LGSN: variants seen among roughly 807,000 people sequenced by gnomAD.
LGSN encodes lengsin, lens protein with glutamine synthetase domain, also known as lengsin.
LGSN carries 21 observed loss-of-function variants against 19.5 expected under a neutral mutation model. The ratio of observed to expected loss-of-function variants is 1.07; its 90% confidence interval spans 0.76 to 1.55. The LOEUF is 1.55. Ranked by LOEUF, LGSN falls within the 40% of genes most tolerant of loss-of-function variation. The pLI, the probability that LGSN is intolerant of heterozygous loss-of-function variation, is 0.00. For missense variants in LGSN, 673 were observed against 608.5 expected (o/e 1.11, Z -1.12); for synonymous variants, 257 against 215.6 (o/e 1.19, Z -1.68).
At chr6:63,533,832 T>TTTAATTAA in the LGSN span, among the ~76,000 whole-genome samples, 80 of 149,880 alleles carry the variant, frequency 5.3e-4, no homozygotes, top group Middle Eastern at 3.5e-3. Context: ...AACAAACTTT[T>TTTAATTAA]TTAATTAATT....
chr6:63,301,381 A>C (rs1287349163), intron 1 of LGSN, among the ~76,000 whole-genome samples: 3 of 152,136 alleles, frequency 2.0e-5, no homozygotes, highest in African/African-American at 7.2e-5. Context: ...TAAAATGTGT[A>C]TTTGTTGAGA....
chr6:63,374,372 T>G, the LGSN span, among the ~76,000 whole-genome samples: 1 of 152,230 alleles, frequency 6.6e-6, no homozygotes. Flanking sequence ...TTCTGCAAAT[T>G]TTGTTGACAG....
At chr6:63,361,044 T>C in the LGSN span, among the ~76,000 whole-genome samples, 1 of 152,208 alleles carries the variant, frequency 6.6e-6, no homozygotes, top group Non-Finnish European at 1.5e-5. Flanking sequence ...TACCCAGCCA[T>C]GTGAGGTGTC....
chr6:63,520,171 C>T, the LGSN span, among the ~76,000 whole-genome samples: 1 of 152,138 alleles, frequency 6.6e-6, no homozygotes, highest in South Asian at 2.1e-4. Context: ...CTGTATGCAT[C>T]CTTTTTTTAA....
chr6:63,420,336 T>C, the LGSN span, among the ~76,000 whole-genome samples: 1 of 152,332 alleles, frequency 6.6e-6, no homozygotes, highest in South Asian at 2.1e-4. Context: ...TCTGTGCTGA[T>C]CCAGCTGGCC....
intron 1 of LGSN, among the ~76,000 whole-genome samples, chr6:63,307,720 T>C (rs1768451917): frequency 6.6e-6 from 1 of 152,220 alleles, no homozygotes; most frequent in Non-Finnish European, 1.5e-5. Flanking sequence ...AAATATTGCC[T>C]GGGCACTATG....
the LGSN span, among the ~76,000 whole-genome samples, chr6:63,365,140 T>C: frequency 6.6e-6 from 1 of 151,884 alleles, no homozygotes; most frequent in Non-Finnish European, 1.5e-5. Flanking sequence ...AATCAATGAA[T>C]CCAGGAGCTG....
At chr6:63,413,695 C>T in the LGSN span, among the ~76,000 whole-genome samples, 2 of 152,134 alleles carry the variant, frequency 1.3e-5, no homozygotes, top group Non-Finnish European at 1.5e-5. Context: ...ATGATTATCC[C>T]TCTTTTTACA....
the LGSN span, among the ~76,000 whole-genome samples, chr6:63,335,112 C>A: frequency 2.0e-5 from 3 of 149,508 alleles, no homozygotes; most frequent in Non-Finnish European, 4.4e-5. Context: ...CCACTGCACT[C>A]CAGCCTGATG....
At chr6:63,524,469 G>A in the LGSN span, among the ~76,000 whole-genome samples, 3 of 152,110 alleles carry the variant, frequency 2.0e-5, no homozygotes, top group Non-Finnish European at 4.4e-5. Flanking sequence ...AGTTTAATAA[G>A]TGAGAACTTC....
At chr6:63,283,042 A>AGT (rs1767378918) in intron 3 of LGSN, among the ~76,000 whole-genome samples, 1 of 152,148 alleles carries the variant, frequency 6.6e-6, no homozygotes, top group Non-Finnish European at 1.5e-5. Context: ...AGTAGTAGAG[A>AGT]ACAGCTGGTT....
chr6:63,435,275 G>A, the LGSN span, among the ~76,000 whole-genome samples: 1 of 152,222 alleles, frequency 6.6e-6, no homozygotes, highest in Admixed American at 6.5e-5. Context: ...TTCAGCCAAA[G>A]AGAAGATTCC....
the LGSN span, among the ~76,000 whole-genome samples, chr6:63,453,553 CATA>C: frequency 6.6e-6 from 1 of 151,912 alleles, no homozygotes; most frequent in East Asian, 1.9e-4. Context: ...TATTTTTTAT[CATA>C]ATGTCAACTC....
chr6:63,408,058 T>C, the LGSN span, among the ~76,000 whole-genome samples: 11 of 152,332 alleles, frequency 7.2e-5, 1 homozygote, highest in South Asian at 1.9e-3. Context: ...GAACATTCCA[T>C]GCTCATGGGT....
the LGSN span, among the ~76,000 whole-genome samples, chr6:63,362,887 C>G: frequency 6.6e-6 from 1 of 152,224 alleles, no homozygotes; most frequent in Non-Finnish European, 1.5e-5. Flanking sequence ...TGAAAACGGA[C>G]AGACTGCCTC....
the LGSN span, among the ~76,000 whole-genome samples, chr6:63,480,822 GAAA>G: frequency 2.8e-3 from 362 of 127,516 alleles, 5 homozygotes; most frequent in Middle Eastern, 3.8e-3. Context: ...GTCATTATAT[GAAA>G]AAAAAAAAAA....
the LGSN span, among the ~76,000 whole-genome samples, chr6:63,454,381 G>A: frequency 6.6e-6 from 1 of 151,824 alleles, no homozygotes; most frequent in South Asian, 2.1e-4. Context: ...ATTCCCAGTT[G>A]ACTAATTTCA....
the LGSN span, among the ~76,000 whole-genome samples, chr6:63,570,181 A>G: frequency 6.6e-6 from 1 of 152,146 alleles, no homozygotes; most frequent in Non-Finnish European, 1.5e-5. Flanking sequence ...GTACAAACAA[A>G]TTAGCCAGGT....
rs369226783 is a variant in LGSN, at chr6:63,304,697, AC to A, written c.31-9653del. Among the ~76,000 whole-genome samples the A allele has an allele frequency of 1.1e-4, 16 of 152,304 alleles. No individual in the cohort carries two copies. In the East Asian group the frequency reaches 2.7e-3, roughly 26 times the overall value. On this transcript the variant is annotated intron_variant, in intron 1 of 3. Coordinates refer to ENST00000370657, the MANE Select transcript of LGSN (RefSeq NM_016571.3). Reference sequence around the variant, plus strand: ...AATTCTTGGTATGCTCCTGCCAGTCACTATAGTAGTCATTATCATTATCATT... The same window carrying A: ...AATTCTTGGTATGCTCCTGCCAGTCATATAGTAGTCATTATCATTATCATT...
Sources: gnomAD v4.1 joint callset for allele counts (sites outside exome capture counted in the v4.1 genomes callset) on GRCh38, gnomAD v4.1.1 for gene constraint, MANE v1.5 for transcripts, NCBI Gene and HGNC (gene_info 2026-07-23, HGNC 2026-07-21) for gene names.